The following SPOCK1 variants were observed in gnomAD, a reference collection of about 807,000 sequenced individuals.
The protein encoded by SPOCK1 is testican-1.
Under a neutral mutation model 55.3 loss-of-function variants are expected in SPOCK1, and 23 were observed. The ratio of observed to expected loss-of-function variants is 0.42; its 90% CI spans 0.30 to 0.59. The LOEUF (loss-of-function observed/expected upper bound fraction) is 0.59, where lower values mean the gene tolerates loss of function less well. Among genes scored for constraint, SPOCK1 ranks in the 20% least tolerant of loss-of-function variants. The pLI is 0.22. For missense variants in SPOCK1, 499 were observed against 552.5 expected, an observed-to-expected ratio of 0.90 and a Z score of 0.97; for synonymous variants, 226 against 221.0, an observed-to-expected ratio of 1.02 and a Z score of -0.20.
chr5:137,448,900 GAGA>G (rs1429537250), intron 2 of SPOCK1, among the ~76,000 whole-genome samples: 12 of 152,320 alleles, frequency 7.9e-5, no homozygotes, highest in Non-Finnish European at 7.3e-5. Context: ...CCCTGCCTGA[GAGA>G]AGAAGGTCTG....
intron 3 of SPOCK1, among the ~76,000 whole-genome samples, chr5:137,144,721 T>G (rs549736714): frequency 9.1e-4 from 138 of 151,940 alleles, no homozygotes; most frequent in Non-Finnish European, 1.3e-3. Flanking sequence ...GGACTGTGGC[T>G]GCACTTTGAA....
At chr5:137,034,207 C>G (rs1404748706) in intron 6 of SPOCK1, among the ~76,000 whole-genome samples, 1 of 152,176 alleles carries the variant, frequency 6.6e-6, no homozygotes, top group Non-Finnish European at 1.5e-5. Flanking sequence ...TCAAGGAGCC[C>G]TTGACCTAGG....
At chr5:137,393,948 T>C (rs1469718382) in intron 2 of SPOCK1, among the ~76,000 whole-genome samples, 1 of 152,226 alleles carries the variant, frequency 6.6e-6, no homozygotes, top group East Asian at 1.9e-4. Context: ...TTTAGGGTTT[T>C]TTTTTCAATA....
At chr5:137,433,315 A>G (rs990384934) in intron 2 of SPOCK1, among the ~76,000 whole-genome samples, 1 of 138,808 alleles carries the variant, frequency 7.2e-6, no homozygotes, top group Non-Finnish European at 1.6e-5. Context: ...GGAACTGTAC[A>G]TTAGGGTGAA....
chr5:137,395,705 T>TG (rs1389609507), intron 2 of SPOCK1, among the ~76,000 whole-genome samples: 1 of 152,230 alleles, frequency 6.6e-6, no homozygotes, highest in Non-Finnish European at 1.5e-5. Flanking sequence ...ATAATGTTCC[T>TG]GCAATGCAGC....
intron 3 of SPOCK1, among the ~76,000 whole-genome samples, chr5:137,145,148 C>T (rs1295905019): frequency 1.3e-5 from 2 of 152,104 alleles, no homozygotes; most frequent in Non-Finnish European, 2.9e-5. Flanking sequence ...TTCAAAATGA[C>T]TTTTTACAGA....
chr5:137,240,312 A>G (rs1756257657), intron 3 of SPOCK1, among the ~76,000 whole-genome samples: 1 of 152,234 alleles, frequency 6.6e-6, no homozygotes, highest in Admixed American at 6.5e-5. Flanking sequence ...GCACAGTGGC[A>G]TCTGCTTCTG....
chr5:137,076,306 T>C (rs1302920582), intron 5 of SPOCK1, among the ~76,000 whole-genome samples: 3 of 152,230 alleles, frequency 2.0e-5, no homozygotes, highest in Non-Finnish European at 4.4e-5. Flanking sequence ...TCTGTTTACA[T>C]ATCTACTTCT....
intron 2 of SPOCK1, among the ~76,000 whole-genome samples, chr5:137,461,427 G>A (rs1753486885): frequency 6.6e-6 from 1 of 152,240 alleles, no homozygotes; most frequent in Non-Finnish European, 1.5e-5. Flanking sequence ...CACACAGTCA[G>A]TGAGAAAGGA....
intron 2 of SPOCK1, among the ~76,000 whole-genome samples, chr5:137,393,878 A>C (rs1280738649): frequency 6.6e-6 from 1 of 152,238 alleles, no homozygotes; most frequent in Non-Finnish European, 1.5e-5. Context: ...ACAGATCTAG[A>C]GGGTTCACAC....
At chr5:137,391,100 C>G (rs1458868697) in intron 2 of SPOCK1, among the ~76,000 whole-genome samples, 4 of 152,074 alleles carry the variant, frequency 2.6e-5, no homozygotes, top group African/African-American at 9.7e-5. Flanking sequence ...ATGTCGCCCT[C>G]CCTGACGTTT....
At chr5:137,315,497 G>A (rs1757862523) in intron 2 of SPOCK1, among the ~76,000 whole-genome samples, 1 of 152,176 alleles carries the variant, frequency 6.6e-6, no homozygotes, top group South Asian at 2.1e-4. Flanking sequence ...GTAGCTAGGA[G>A]CAACTGAGCA....
intron 3 of SPOCK1, among the ~76,000 whole-genome samples, chr5:137,169,648 C>T (rs1754711102): frequency 6.6e-6 from 1 of 152,104 alleles, no homozygotes; most frequent in East Asian, 1.9e-4. Context: ...AAACCTCATC[C>T]CACCAACATT....
chr5:137,463,858 G>C lies in SPOCK1; in HGVS notation c.186+34515C>G, dbSNP rs150462663. 9.5e-3 allele frequency among the ~76,000 whole-genome samples: 1,440 copies of C among 152,282 alleles called. 12 individuals are homozygous for C. The highest frequency in any genetic ancestry group is 0.044 in the South Asian group (212 of 4,832). On this transcript the variant is annotated intron_variant, in intron 2 of 10. Transcript: ENST00000394945. ...AGCTACTCCGGAGACTGAGGCAAGA[G>C]AATCACTTGAACTCGGGATGCAGAG... is the stretch of plus-strand genomic sequence containing the variant.
intron 4 of SPOCK1, among the ~76,000 whole-genome samples, chr5:137,119,502 G>A (rs1753649094): frequency 6.6e-6 from 1 of 152,194 alleles, no homozygotes; most frequent in Admixed American, 6.5e-5. Flanking sequence ...AAGCAGCTCT[G>A]ATGAAAGAGA....
chr5:137,340,130 T>C (rs1183865390), intron 2 of SPOCK1, among the ~76,000 whole-genome samples: 2 of 151,886 alleles, frequency 1.3e-5, no homozygotes, highest in Admixed American at 6.6e-5. Context: ...CCAGAAAAGG[T>C]AGACAGTTAG....
chr5:137,372,212 A>G (rs2127171222), intron 2 of SPOCK1, among the ~76,000 whole-genome samples: 1 of 152,110 alleles, frequency 6.6e-6, no homozygotes, highest in African/African-American at 2.4e-5. Flanking sequence ...CTAAAGAATG[A>G]TAAAACAGGA....
At chr5:137,198,684 T>C (rs991613817) in intron 3 of SPOCK1, among the ~76,000 whole-genome samples, 4 of 152,228 alleles carry the variant, frequency 2.6e-5, no homozygotes, top group Admixed American at 6.5e-5. Context: ...ATGGCTAGCA[T>C]CTCCTTGACT....
intron 6 of SPOCK1, among the ~76,000 whole-genome samples, chr5:137,044,637 T>C (rs899504491): frequency 5.9e-5 from 9 of 152,004 alleles, no homozygotes; most frequent in South Asian, 2.1e-4. Context: ...AATAAATGAC[T>C]ATTTCTTTTT....
Sources: allele counts gnomAD v4.1 joint callset (sites outside exome capture counted in the v4.1 genomes callset), GRCh38; gene constraint gnomAD v4.1.1; transcripts MANE v1.5; gene names NCBI Gene and HGNC (gene_info 2026-07-23, HGNC 2026-07-21).